Variants in FAM110B observed in about 807,000 individuals in gnomAD.
FAM110B encodes the protein protein FAM110B.
A neutral mutation model predicts 20.4 loss-of-function variants in FAM110B; 6 were observed. That is an observed-to-expected ratio of 0.29 (90% CI 0.16 to 0.58). The LOEUF (loss-of-function observed/expected upper bound fraction) is 0.58. Among genes scored for constraint, FAM110B ranks in the 20% least tolerant of loss-of-function variants. FAM110B has a pLI of 0.90. For missense variants in FAM110B, 434 were observed against 498.2 expected, an observed-to-expected ratio of 0.87 and a Z score of 1.23; for synonymous variants, 226 against 214.1, an observed-to-expected ratio of 1.06 and a Z score of -0.49.
At position 58,057,777 on chromosome 8, in the gene FAM110B, G is replaced by T. The variant is rs74627473; in HGVS notation, c.-413-17758G>T. On this transcript the variant is annotated intron_variant, in intron 2 of 3. Transcript: ENST00000519262. ...CTGTAAAATGGTGACAGTAGTATCT[G>T]CTTCATGGAATTTTGCAAGGATTAA... Among the ~76,000 whole-genome samples the T allele has an allele frequency of 6.8e-3, 1,037 of 152,340 alleles. 13 individuals are homozygous for T. Among genetic ancestry groups the T allele is most frequent in the African/African-American group, 0.024 (982 of 41,560 alleles).
At chr8:58,129,801 C>T (rs1045969835) in intron 3 of FAM110B, among the ~76,000 whole-genome samples, 14 of 152,354 alleles carry the variant, frequency 9.2e-5, no homozygotes, top group Middle Eastern at 3.4e-3. Context: ...CTTCTTTCTT[C>T]CGCTCTTACT....
At chr8:58,079,588 G>A (rs1806136653) in intron 3 of FAM110B, among the ~76,000 whole-genome samples, 1 of 152,084 alleles carries the variant, frequency 6.6e-6, no homozygotes, top group Non-Finnish European at 1.5e-5. Flanking sequence ...ACCAGCCTGA[G>A]CAACACTGTG....
At chr8:58,016,968 A>T (rs1026179383) in intron 1 of FAM110B, among the ~76,000 whole-genome samples, 2 of 152,210 alleles carry the variant, frequency 1.3e-5, no homozygotes, top group Admixed American at 1.3e-4. Context: ...TGCTAGGCAG[A>T]TAGAACAGAC....
At position 58,110,515 on chromosome 8, in the gene FAM110B, G is replaced by A. The variant is rs371546220; in HGVS notation, c.-325+34892G>A. Among the ~76,000 whole-genome samples the A allele has an allele frequency of 2.6e-5, 4 of 152,090 alleles. No homozygotes were observed. In the East Asian group the frequency reaches 7.7e-4, roughly 29 times the overall value. ...TAAAATATTCCACTGATTATATATAGTGAAATCTAATTAAGTTTTAAGTAA... is the reference window on the plus strand; with the variant it reads ...TAAAATATTCCACTGATTATATATAATGAAATCTAATTAAGTTTTAAGTAA... On this transcript the variant is annotated intron_variant, in intron 3 of 3. Coordinates refer to ENST00000519262, the MANE Select transcript of FAM110B (RefSeq NM_001377989.1).
At chr8:58,088,362 C>T (rs545787789) in intron 3 of FAM110B, among the ~76,000 whole-genome samples, 11 of 152,226 alleles carry the variant, frequency 7.2e-5, no homozygotes, top group South Asian at 2.1e-4. Flanking sequence ...TTCCAAATGA[C>T]GCTTCAAGTC....
At chr8:58,060,291 G>A (rs1480193133) in intron 2 of FAM110B, among the ~76,000 whole-genome samples, 1 of 152,156 alleles carries the variant, frequency 6.6e-6, no homozygotes, top group Non-Finnish European at 1.5e-5. Context: ...TTTGTAGGTG[G>A]AATGTGTTAT....
intron 3 of FAM110B, among the ~76,000 whole-genome samples, chr8:58,090,994 T>G (rs1050099918): frequency 6.6e-6 from 1 of 152,206 alleles, no homozygotes; most frequent in African/African-American, 2.4e-5. Context: ...CTTGGATTTC[T>G]CACTGAATCC....
chr8:58,051,567 A>T (rs1348014130), intron 2 of FAM110B, among the ~76,000 whole-genome samples: 1 of 152,190 alleles, frequency 6.6e-6, no homozygotes, highest in East Asian at 1.9e-4. Context: ...GCCTATGTTT[A>T]CTTTTCGGAG....
intron 3 of FAM110B, chr8:58,113,097 G>C (rs948412722): frequency 1.3e-5 from 2 of 151,062 alleles, no homozygotes; most frequent in Non-Finnish European, 2.9e-5. Flanking sequence ...ATGGGGGGGG[G>C]CTCTGCCCTC....
chr8:58,076,526 G>A (rs1480300429), intron 3 of FAM110B, among the ~76,000 whole-genome samples: 1 of 152,156 alleles, frequency 6.6e-6, no homozygotes, highest in Non-Finnish European at 1.5e-5. Context: ...GGTCCCCACA[G>A]CTGATGGAGA....
intron 3 of FAM110B, among the ~76,000 whole-genome samples, chr8:58,125,903 G>A (rs548366609): frequency 5.7e-5 from 8 of 140,148 alleles, no homozygotes; most frequent in Non-Finnish European, 1.1e-4. Flanking sequence ...GTGTCACCCG[G>A]TACCCTCCCA....
chr8:58,006,604 ATTT>A (rs773603784), intron 1 of FAM110B, among the ~76,000 whole-genome samples: 1 of 140,182 alleles, frequency 7.1e-6, no homozygotes. Flanking sequence ...CCCTTAATTG[ATTT>A]TTTTTTTTTT....
At chr8:58,113,049 TTTCTC>T (rs1807102629) in intron 3 of FAM110B, 2 of 152,000 alleles carry the variant, frequency 1.3e-5, no homozygotes, top group Non-Finnish European at 2.9e-5. Context: ...GAAGAACTCT[TTTCTC>T]TTCAGCCCCT....
At chr8:58,121,634 T>C (rs1347210219) in intron 3 of FAM110B, among the ~76,000 whole-genome samples, 2 of 152,222 alleles carry the variant, frequency 1.3e-5, no homozygotes, top group African/African-American at 4.8e-5. Context: ...ATAGTATCCT[T>C]TAACCATGCC....
chr8:58,030,770 A>G (rs1372210527), intron 1 of FAM110B, among the ~76,000 whole-genome samples: 2 of 152,186 alleles, frequency 1.3e-5, no homozygotes, highest in African/African-American at 2.4e-5. Context: ...ATCTGACAAA[A>G]GCAGATGCTG....
intron 2 of FAM110B, among the ~76,000 whole-genome samples, chr8:58,074,038 C>T (rs988873995): frequency 6.6e-6 from 1 of 152,158 alleles, no homozygotes; most frequent in Non-Finnish European, 1.5e-5. Flanking sequence ...GTTACCCTAG[C>T]CTGGCTTCCA....
chr8:58,067,766 T>A (rs1468542503), intron 2 of FAM110B, among the ~76,000 whole-genome samples: 1 of 152,234 alleles, frequency 6.6e-6, no homozygotes, highest in Non-Finnish European at 1.5e-5. Context: ...AGTAAGGGCC[T>A]AACATGATTC....
chr8:58,091,485 C>T (rs1448026888), intron 3 of FAM110B: 1 of 152,146 alleles, frequency 6.6e-6, no homozygotes, highest in East Asian at 1.9e-4. Flanking sequence ...AGGGTTTTGG[C>T]TCAGCCCTCC....
chr8:58,094,857 C>T (rs185555252), intron 3 of FAM110B, among the ~76,000 whole-genome samples: 241 of 152,150 alleles, frequency 1.6e-3, no homozygotes, highest in African/African-American at 5.3e-3. Context: ...TGGTAGAATT[C>T]GCTATGAATT....
Sources: gnomAD v4.1 joint callset for allele counts (sites outside exome capture counted in the v4.1 genomes callset) on GRCh38, gnomAD v4.1.1 for gene constraint, MANE v1.5 for transcripts, NCBI Gene and HGNC (gene_info 2026-07-23, HGNC 2026-07-21) for gene names.